ASXL3: variants seen among roughly 807,000 people sequenced by gnomAD.
ASXL3 encodes ASXL transcriptional regulator 3.
ASXL3 carries 34 observed loss-of-function variants against 170.6 expected under a neutral mutation model. The observed-to-expected ratio is 0.20, with a 90% confidence interval of 0.15 to 0.27. The LOEUF is 0.27. ASXL3 is among the 10% of genes least tolerant of loss of function. The pLI is 1.00. For missense variants in ASXL3, 2,592 were observed against 2,695.3 expected (o/e 0.96, Z 0.85); for synonymous variants, 1,002 against 989.1 (o/e 1.01, Z -0.24).
chr18:33,613,490 G>A (rs941128856), intron 2 of ASXL3, among the ~76,000 whole-genome samples: 9 of 152,034 alleles, frequency 5.9e-5, no homozygotes, highest in Non-Finnish European at 4.4e-5. Context: ...ATCCCAATAA[G>A]GAGAATATTG....
chr18:33,715,746 T>C (rs1482760863), intron 8 of ASXL3, among the ~76,000 whole-genome samples: 6 of 152,182 alleles, frequency 3.9e-5, no homozygotes, highest in Non-Finnish European at 8.8e-5. Flanking sequence ...TTATGATCTC[T>C]TTACATTTAA....
chr18:33,744,171 A>G lies in ASXL3; in HGVS notation c.4323A>G (p.Ser1441=). 1 of 1,614,028 alleles carries G rather than the reference A, an allele frequency of 6.2e-7. No homozygotes were observed. The highest frequency in any genetic ancestry group is 8.5e-7 in the Non-Finnish European group (1 of 1,179,902). Residue 1441 remains serine (S), a synonymous_variant, in exon 12 of 12, where the codon TCA becomes TCG. Coordinates refer to ENST00000269197, the MANE Select transcript of ASXL3 (RefSeq NM_030632.3). ...KLSAESLDKN[S]GPRNRADNSG... ...GTGCTGAAAGCTTGGACAAAAATTCAGGGCCTCGAAACAGGGCAGATAATT... is the reference window on the plus strand; with the variant it reads ...GTGCTGAAAGCTTGGACAAAAATTCGGGGCCTCGAAACAGGGCAGATAATT...
At chr18:33,725,248 T>G (rs2067330406) in intron 8 of ASXL3, among the ~76,000 whole-genome samples, 1 of 152,072 alleles carries the variant, frequency 6.6e-6, no homozygotes, top group African/African-American at 2.4e-5. Context: ...GCTCTAAAGA[T>G]CCTATTGATT....
intron 8 of ASXL3, among the ~76,000 whole-genome samples, chr18:33,728,375 AATCT>A (rs1366542321): frequency 3.3e-5 from 5 of 152,296 alleles, no homozygotes; most frequent in African/African-American, 1.2e-4. Flanking sequence ...TCCTAATTGA[AATCT>A]ATCTGTACAA....
intron 7 of ASXL3, among the ~76,000 whole-genome samples, chr18:33,676,273 G>A (rs1166277151): frequency 1.4e-5 from 2 of 144,512 alleles, no homozygotes; most frequent in African/African-American, 5.1e-5. Context: ...AATTCTGATG[G>A]TAACCTCGAC....
chr18:33,746,177 A>T lies in ASXL3; in HGVS notation c.6329A>T (p.Glu2110Val), dbSNP rs766447506. 2 of 1,613,876 alleles carry T rather than the reference A, an allele frequency of 1.2e-6. No individual in the cohort carries two copies. Among genetic ancestry groups the T allele is most frequent in the Non-Finnish European group, 1.7e-6 (2 of 1,179,880 alleles). The change falls in exon 12 of 12, where the codon GAA becomes GTA. Residue 2110 changes from glutamate (E) to valine (V), a missense_variant. Coordinates refer to ENST00000269197, the MANE Select transcript of ASXL3 (RefSeq NM_030632.3). Reference protein sequence around the residue: ...QVSYDQNEMKEQLKAFALKSA... With the variant: ...QVSYDQNEMKVQLKAFALKSA... ...TCCTATGACCAGAATGAAATGAAAGAACAGTTAAAAGCATTCGCGCTAAAA... is the reference window on the plus strand; with the variant it reads ...TCCTATGACCAGAATGAAATGAAAGTACAGTTAAAAGCATTCGCGCTAAAA...
At chr18:33,717,928 G>A (rs188921521) in intron 8 of ASXL3, among the ~76,000 whole-genome samples, 1 of 152,218 alleles carries the variant, frequency 6.6e-6, no homozygotes. Flanking sequence ...TAACGTAACT[G>A]TAGTATTGAT....
chr18:33,729,550 G>T lies in ASXL3; in HGVS notation c.880-2418G>T, dbSNP rs530647665. Reference sequence around the variant, plus strand: ...CTTCCTCTTGTACCACTCAGATCTTGTGCTTCACGTTAAGCTCCCTCTGTC... The same window carrying T: ...CTTCCTCTTGTACCACTCAGATCTTTTGCTTCACGTTAAGCTCCCTCTGTC... On this transcript the variant is annotated intron_variant, in intron 8 of 11. Transcript: ENST00000269197. 3.3e-5 allele frequency among the ~76,000 whole-genome samples: 5 copies of T among 152,190 alleles called. No individual in the cohort carries two copies. The South Asian group carries it at 1.0e-3, about 32-fold the overall frequency.
chr18:33,588,201 T>C (rs1568264580), intron 1 of ASXL3, among the ~76,000 whole-genome samples: 1 of 152,142 alleles, frequency 6.6e-6, no homozygotes, highest in East Asian at 1.9e-4. Flanking sequence ...CAGATCGTTA[T>C]CTAGCTTATG....
chr18:33,581,083 T>C (rs2064987662), intron 1 of ASXL3, among the ~76,000 whole-genome samples: 1 of 152,184 alleles, frequency 6.6e-6, no homozygotes, highest in African/African-American at 2.4e-5. Flanking sequence ...ATTTTCATAT[T>C]TTCTTTATGA....
Position 33,637,690 on chromosome 18 carries a change from G to A in ASXL3, c.138-7204G>A, listed in dbSNP as rs150591775. Reference sequence around the variant, plus strand: ...GAAATAATTTTTTTGAGCTTGCAGGGGTGGAGAAATAGGCTAAAAGTCCTG... The same window carrying A: ...GAAATAATTTTTTTGAGCTTGCAGGAGTGGAGAAATAGGCTAAAAGTCCTG... On this transcript the variant is annotated intron_variant, in intron 2 of 11. Coordinates refer to ENST00000269197, the MANE Select transcript of ASXL3 (RefSeq NM_030632.3). Among the ~76,000 whole-genome samples the A allele has an allele frequency of 1.0e-3, 158 of 152,144 alleles. 4 individuals carry two copies. In the East Asian group the frequency reaches 0.021, roughly 20 times the overall value.
At chr18:33,705,495 C>G (rs1218285941) in intron 8 of ASXL3, among the ~76,000 whole-genome samples, 2 of 151,576 alleles carry the variant, frequency 1.3e-5, no homozygotes, top group African/African-American at 2.4e-5. Flanking sequence ...TTTTCAGCAG[C>G]AAAATCAAGT....
intron 1 of ASXL3, among the ~76,000 whole-genome samples, chr18:33,600,641 G>T (rs892161002): frequency 6.6e-6 from 1 of 152,090 alleles, no homozygotes; most frequent in East Asian, 1.9e-4. Context: ...AAAGGAATGC[G>T]AAGTGTTTTA....
At chr18:33,648,724 AG>A (rs1439835675) in intron 4 of ASXL3, among the ~76,000 whole-genome samples, 7 of 152,118 alleles carry the variant, frequency 4.6e-5, no homozygotes, top group Non-Finnish European at 1.0e-4. Flanking sequence ...GACTGAGCTC[AG>A]GGGCACTTGA....
At chr18:33,578,727 C>G in intron 1 of ASXL3, 42 bp downstream of exon 1, 3 of 1,146,154 alleles carry the variant, frequency 2.6e-6, no homozygotes, top group Non-Finnish European at 3.3e-6. Context: ...CTCCCGCCGG[C>G]CCCGCCGCTC....
intron 1 of ASXL3, chr18:33,579,228 G>A (rs1286592798): frequency 2.0e-5 from 3 of 152,640 alleles, no homozygotes; most frequent in Non-Finnish European, 4.4e-5. Context: ...GCCATGTCGT[G>A]TGCATTATGT....
At chr18:33,626,146 T>C (rs1433045227) in intron 2 of ASXL3, among the ~76,000 whole-genome samples, 1 of 152,142 alleles carries the variant, frequency 6.6e-6, no homozygotes, top group Non-Finnish European at 1.5e-5. Context: ...TTAAATACTC[T>C]ATGTAATGTC....
At chr18:33,705,484 ATTT>A (rs1056590189) in intron 8 of ASXL3, among the ~76,000 whole-genome samples, 3 of 151,926 alleles carry the variant, frequency 2.0e-5, no homozygotes, top group African/African-American at 7.2e-5. Context: ...AAAATGAGCC[ATTT>A]TCAGCAGCAA....
intron 11 of ASXL3, among the ~76,000 whole-genome samples, chr18:33,741,047 A>G (rs2067653331): frequency 6.6e-6 from 1 of 152,236 alleles, no homozygotes; most frequent in South Asian, 2.1e-4. Context: ...TGTTCTCCAC[A>G]GGCTGACTTT....
Sources: gnomAD v4.1 joint callset for allele counts (sites outside exome capture counted in the v4.1 genomes callset) on GRCh38, gnomAD v4.1.1 for gene constraint, MANE v1.5 for transcripts, NCBI Gene and HGNC (gene_info 2026-07-23, HGNC 2026-07-21) for gene names.